Variants in LIPE observed in about 807,000 individuals in gnomAD.
LIPE encodes hormone-sensitive lipase.
In LIPE, 66 loss-of-function variants were observed where a neutral mutation model predicts 88.5. The observed-to-expected ratio is 0.75, with a 90% CI of 0.61 to 0.91. The LOEUF (loss-of-function observed/expected upper bound fraction) is 0.91, where lower values mean the gene tolerates loss of function less well. Ranked by LOEUF, LIPE falls within the 40% of genes least tolerant of loss-of-function variation. LIPE has a pLI of 0.00. For synonymous variants in LIPE, 570 were observed against 617.5 expected (o/e 0.92, Z 1.14); for missense variants, 1,346 against 1,434.7 (o/e 0.94, Z 1.00).
rs139079641 is a variant in LIPE, at chr19:42,402,783, T to C, written c.2791A>G (p.Met931Val). ...GCACGGACGCCCAGGCCTCTGTCCA[T>C]GGGGCTCAGCTCATTTTTGGCCTCA... Reference protein sequence around the residue: ...EAEAKNELSPMDRGLGVRAAF... With the variant: ...EAEAKNELSPVDRGLGVRAAF... The change falls in exon 9 of 10, where the codon ATG becomes GTG. Residue 931 changes from methionine (M) to valine (V), a missense_variant. Transcript: ENST00000244289. 108 of 1,608,748 alleles carry C rather than the reference T, an allele frequency of 6.7e-5. No individual in the cohort carries two copies. The highest frequency in any genetic ancestry group is 7.2e-5 in the Non-Finnish European group (85 of 1,176,090).
rs1348303401 is a variant in LIPE at position 42,405,282 on chromosome 19, G to A, written c.2542+103C>T. 7 of 1,240,558 alleles carry A rather than the reference G, an allele frequency of 5.6e-6. No individual in the cohort carries two copies. The Admixed American group carries it at 1.6e-4, about 29-fold the overall frequency. 76.8% of individuals were successfully genotyped at this position (1,240,558 alleles called of 1,614,324 possible). On this transcript the variant is annotated intron_variant, in intron 8 of 9. Transcript: ENST00000244289. ...AGCCTCCCAAAGTGCTGGGATTGCAGGTCTGAACCACCATGCCCAGCATCT... is the reference window on the plus strand; with the variant it reads ...AGCCTCCCAAAGTGCTGGGATTGCAAGTCTGAACCACCATGCCCAGCATCT...
chr19:42,424,255 C>T lies in LIPE; in HGVS notation c.883+2012G>A, dbSNP rs36084626. The T allele has an allele frequency of 1.1e-5, 6 of 562,900 alleles. No homozygotes were observed. In the Admixed American group the frequency reaches 1.4e-4, roughly 13 times the overall value. The allele number at this position is 562,900 out of a possible 1,614,324, so 34.9% of individuals were successfully genotyped here. A position where few individuals can be genotyped will look rare whatever the true frequency, so the allele number is the denominator to read the frequency against. ...TCGGCGCCTGCGCACTAGCTTCAGG[C>T]CGCGGGCCGGCCCAAGAGCGGAGGT... is the stretch of plus-strand genomic sequence containing the variant. On this transcript the variant is annotated intron_variant, in intron 1 of 9. Coordinates refer to ENST00000244289, the MANE Select transcript of LIPE (RefSeq NM_005357.4).
Position 42,401,727 on chromosome 19 carries a change from T to A in LIPE, c.*85A>T. On this transcript the variant is annotated 3_prime_UTR_variant, in exon 10 of 10. Coordinates refer to ENST00000244289, the MANE Select transcript of LIPE (RefSeq NM_005357.4). ...CCCCGCCCCCTTGCCACCCCCGACT[T>A]AAGTAAGGCACAGCCCGCGTCCCCT... The A allele has an allele frequency of 5.0e-6, 1 of 198,042 alleles. No homozygotes were observed. Among genetic ancestry groups the A allele is most frequent in the Non-Finnish European group, 8.3e-6 (1 of 121,144 alleles). 12.3% of individuals were successfully genotyped at this position (198,042 alleles called of 1,614,324 possible).
Position 42,426,593 on chromosome 19 carries a change from T to G in LIPE, c.557A>C (p.Lys186Thr), listed in dbSNP as rs1451830906. 1.2e-6 allele frequency: 2 copies of G among 1,614,212 alleles called. No homozygotes were observed. The highest frequency in any genetic ancestry group is 2.2e-5 in the South Asian group (2 of 91,088). ...TSQETPEQSDKQTTPVQGAKS... is the reference protein window; with the variant it reads ...TSQETPEQSDTQTTPVQGAKS... ...GGCTCCCTGGACTGGCGTTGTTTGC[T>G]TGTCTGACTGTTCAGGTGTCTCTTG... Residue 186 changes from lysine to threonine, a missense_variant, in exon 1 of 10, where the codon AAG becomes ACG. Coordinates refer to ENST00000244289, the MANE Select transcript of LIPE (RefSeq NM_005357.4).
At chr19:42,412,271 T>A (rs2040397024) in intron 1 of LIPE, 3 of 985,470 alleles carry the variant, frequency 3.0e-6, no homozygotes, top group Non-Finnish European at 3.6e-6. Context: ...CCCAGCACCT[T>A]GCCTGTTCCC....
chr19:42,407,582 C>A lies in LIPE; in HGVS notation c.1842+24G>T. 6.3e-7 allele frequency: 1 copy of A among 1,593,254 alleles called. No individual in the cohort carries two copies. On this transcript the variant is annotated intron_variant, in intron 5 of 9. Coordinates refer to ENST00000244289, the MANE Select transcript of LIPE (RefSeq NM_005357.4). This position sits in a 1 kb window ranked among gnomAD's most constrained non-coding sequence, Gnocchi z 5.8. ...CCACGCTCCTCGGCTCTGTCCCTGT[C>A]CCTGGCTGAGGCTGGAACCCTACCT...
At position 42,402,119 on chromosome 19, in the gene LIPE, G is replaced by C. The variant is rs35595562; in HGVS notation, c.2968-44C>G. 139,328 of 1,423,346 alleles carry C rather than the reference G, an allele frequency of 0.098. 7,663 individuals are homozygous for C. The highest frequency in any genetic ancestry group is 0.19 in the Middle Eastern group (810 of 4,210). 88.2% of individuals were successfully genotyped at this position (1,423,346 alleles called of 1,614,324 possible). On this transcript the variant is annotated intron_variant, in intron 9 of 9. Transcript: ENST00000244289. ...GGACGTGGAGAGAGGGTGGGGGACAGACAGACCGGGGTCGGGTAGAGCGAG... is the reference window on the plus strand; with the variant it reads ...GGACGTGGAGAGAGGGTGGGGGACACACAGACCGGGGTCGGGTAGAGCGAG...
chr19:42,412,977 C>G (rs1024364801), intron 1 of LIPE, among the ~76,000 whole-genome samples: 4 of 152,220 alleles, frequency 2.6e-5, no homozygotes, highest in African/African-American at 4.8e-5. Flanking sequence ...GTGGTGTGAC[C>G]ACACTGGGTA....
rs1217385418 is a variant in LIPE, at chr19:42,402,650, G to A, written c.2924C>T (p.Ala975Val). Residue 975 changes from alanine to valine, a missense_variant, in exon 9 of 10, where the codon GCA becomes GTA. Ala to Val is a moderately conservative substitution (Grantham distance 64, BLOSUM62 0). Coordinates refer to ENST00000244289, the MANE Select transcript of LIPE (RefSeq NM_005357.4). ...VKNPFMSPLLAPDSMLKSLPP... is the reference protein window; with the variant it reads ...VKNPFMSPLLVPDSMLKSLPP... ...CAGGCTCTTGAGCATGCTGTCGGGT[G>A]CCAGCAGCGGCGACATGAAGGGGTT... 3.3e-6 allele frequency: 5 copies of A among 1,499,132 alleles called. No individual in the cohort carries two copies. In the South Asian group the frequency reaches 4.1e-5, roughly 12 times the overall value. 92.9% of individuals were successfully genotyped at this position (1,499,132 alleles called of 1,614,324 possible).
intron 1 of LIPE, chr19:42,424,496 C>T (rs1360395156): frequency 4.4e-6 from 2 of 456,366 alleles, no homozygotes; most frequent in South Asian, 1.5e-5. Context: ...AGCTTTCTAT[C>T]CTCAGCACTG....
At position 42,405,575 on chromosome 19, in the gene LIPE, G is replaced by A; in HGVS notation, c.2366-14C>T. On this transcript the variant is annotated splice_polypyrimidine_tract_variant and intron_variant, in intron 7 of 9. Coordinates refer to ENST00000244289, the MANE Select transcript of LIPE (RefSeq NM_005357.4). ...CCGTCTTTGCACCTGCAGAATATAT[G>A]TGGGTAGCTGAGTTGTTTTCCCCTT... 6.3e-7 allele frequency: 1 copy of A among 1,599,140 alleles called. No individual in the cohort carries two copies. The highest frequency in any genetic ancestry group is 8.6e-7 in the Non-Finnish European group (1 of 1,169,226).
Position 42,404,065 on chromosome 19 carries a change from CTTTTTTT to C in LIPE, c.2543-1041_2543-1035del, listed in dbSNP as rs528946715. Among the ~76,000 whole-genome samples the C allele has an allele frequency of 2.2e-5, 3 of 138,720 alleles. No homozygotes were observed. In the East Asian group the frequency reaches 6.2e-4, roughly 29 times the overall value. The allele number at this position is 138,720 out of a possible 152,430, so 91.0% of individuals were successfully genotyped here. On this transcript the variant is annotated intron_variant, in intron 8 of 9. Coordinates refer to ENST00000244289, the MANE Select transcript of LIPE (RefSeq NM_005357.4). ...AAGATGCTACAGTTTTAGTTTTTTACTTTTTTTTTTTTTTTTTGAGATGGAGTCTTGC... is the reference window on the plus strand; with the variant it reads ...AAGATGCTACAGTTTTAGTTTTTTACTTTTTTTTTTGAGATGGAGTCTTGC...
chr19:42,423,700 C>T lies in LIPE; in HGVS notation c.883+2567G>A, dbSNP rs559059270. 7.9e-5 allele frequency: 90 copies of T among 1,139,356 alleles called. No individual in the cohort carries two copies. The African/African-American group carries it at 1.3e-3, about 16-fold the overall frequency. 70.6% of individuals were successfully genotyped at this position (1,139,356 alleles called of 1,614,324 possible). A position where few individuals can be genotyped will look rare whatever the true frequency, so the allele number is the denominator to read the frequency against. ...ACCAATTCTGGTCTCCCTCCGCTGC[C>T]GTGCTCCGCCCCCAACCGCCAGAAT... On this transcript the variant is annotated intron_variant, in intron 1 of 9. Coordinates refer to ENST00000244289, the MANE Select transcript of LIPE (RefSeq NM_005357.4).
Position 42,410,327 on chromosome 19 carries a change from C to T in LIPE, c.1399G>A (p.Gly467Ser). ...CTCACCTGGAAGCCCAGGCAGCGGCCATAGAAGCATCCCTTATGCAGCGTG... is the reference window on the plus strand; with the variant it reads ...CTCACCTGGAAGCCCAGGCAGCGGCTATAGAAGCATCCCTTATGCAGCGTG... ...YVTLHKGCFY[G>S]RCLGFQFTPA... The change falls in exon 2 of 10, where the codon GGC (glycine) becomes AGC (serine). Residue 467 changes from glycine (G) to serine (S), a missense_variant. Coordinates refer to ENST00000244289, the MANE Select transcript of LIPE (RefSeq NM_005357.4). The surrounding 1 kb of genome is among the most constrained non-coding windows in gnomAD (Gnocchi z 6.1). 6.3e-7 allele frequency: 1 copy of T among 1,598,800 alleles called. No homozygotes were observed. Among genetic ancestry groups the T allele is most frequent in the South Asian group, 1.1e-5 (1 of 89,096 alleles).
Position 42,423,576 on chromosome 19 carries a change from G to C in LIPE, c.883+2691C>G. ...CCTCCCGCGGGGGCCAATTCCAGCCGCGAGGCCCTGCCCGGAGGGCCAATC... is the reference window on the plus strand; with the variant it reads ...CCTCCCGCGGGGGCCAATTCCAGCCCCGAGGCCCTGCCCGGAGGGCCAATC... On this transcript the variant is annotated intron_variant, in intron 1 of 9. Transcript: ENST00000244289. The C allele has an allele frequency of 2.5e-6, 3 of 1,219,172 alleles. 1 individual carries two copies. In the South Asian group the frequency reaches 4.3e-5, roughly 18 times the overall value. 75.5% of individuals were successfully genotyped at this position (1,219,172 alleles called of 1,614,324 possible).
rs190247436 is a variant in LIPE at position 42,425,648 on chromosome 19, C to T, written c.883+619G>A. On this transcript the variant is annotated intron_variant, in intron 1 of 9. Coordinates refer to ENST00000244289, the MANE Select transcript of LIPE (RefSeq NM_005357.4). ...GCAACATAGCGAGGCCACGTCTCTA[C>T]GGAAAATGTAAAAATTAGCGGGGCA... is the stretch of plus-strand genomic sequence containing the variant. Among the ~76,000 whole-genome samples the T allele has an allele frequency of 4.6e-5, 7 of 152,116 alleles. No individual in the cohort carries two copies. In the East Asian group the frequency reaches 7.8e-4, roughly 17 times the overall value.
intron 1 of LIPE, among the ~76,000 whole-genome samples, chr19:42,426,044 C>G (rs941910528): frequency 2.0e-5 from 3 of 151,044 alleles, no homozygotes; most frequent in African/African-American, 7.3e-5. Context: ...TCAAGCAATC[C>G]ATCTGCCTCG....
At chr19:42,409,360 T>G (rs1180200698) in intron 2 of LIPE, among the ~76,000 whole-genome samples, 1 of 134,780 alleles carries the variant, frequency 7.4e-6, no homozygotes, top group African/African-American at 2.9e-5. Context: ...GAGACCAGCC[T>G]GGCCAACATG....
At position 42,402,590 on chromosome 19, in the gene LIPE, C is replaced by G. The variant is rs200083881; in HGVS notation, c.2967+17G>C. 4 of 1,473,454 alleles carry G rather than the reference C, an allele frequency of 2.7e-6. No homozygotes were observed. The highest frequency in any genetic ancestry group is 3.6e-6 in the Non-Finnish European group (4 of 1,109,330). The allele number at this position is 1,473,454 out of a possible 1,614,324, so 91.3% of individuals were successfully genotyped here. A position where few individuals can be genotyped will look rare whatever the true frequency, so the allele number is the denominator to read the frequency against. On this transcript the variant is annotated intron_variant, in intron 9 of 9. Transcript: ENST00000244289. Reference sequence around the variant, plus strand: ...TCTTCTCTAAATGCACCTGTACCGGCCCCCTCTGTCGCTCACCACGATGTG... The same window carrying G: ...TCTTCTCTAAATGCACCTGTACCGGGCCCCTCTGTCGCTCACCACGATGTG...
Sources: allele counts gnomAD v4.1 joint callset (sites outside exome capture counted in the v4.1 genomes callset), GRCh38; gene constraint gnomAD v4.1.1; non-coding constraint Gnocchi (gnomAD v3.1); transcripts MANE v1.5; gene names NCBI Gene and HGNC (gene_info 2026-07-23, HGNC 2026-07-21).